The following RBFOX1 variants were observed in gnomAD, a reference collection of about 807,000 sequenced individuals.
The protein encoded by RBFOX1 is RNA binding fox-1 homolog 1.
Under a neutral mutation model 57.7 loss-of-function variants are expected in RBFOX1, and 8 were observed. The observed-to-expected ratio is 0.14, with a 90% CI of 0.08 to 0.25. RBFOX1 has a LOEUF of 0.25. RBFOX1 is among the 10% of genes least tolerant of loss of function. RBFOX1 has a pLI of 1.00. For synonymous variants in RBFOX1, 326 were observed against 222.4 expected, an observed-to-expected ratio of 1.47 and a Z score of -4.15; for missense variants, 611 against 548.5, an observed-to-expected ratio of 1.11 and a Z score of -1.14.
chr16:6,879,338 C>T (rs1211814172), intron 3 of RBFOX1, among the ~76,000 whole-genome samples: 6 of 152,192 alleles, frequency 3.9e-5, no homozygotes, highest in Non-Finnish European at 7.3e-5. Flanking sequence ...ACTTCAGACA[C>T]TCTGTCTCCT....
In RBFOX1 at chr16:6,697,310, G is replaced by A. The variant is rs149892909; in HGVS notation, c.-16+42660G>A. Among the ~76,000 whole-genome samples the A allele has an allele frequency of 2.8e-3, 422 of 152,164 alleles. 9 individuals are homozygous for A. The highest frequency in any genetic ancestry group is 0.02 in the Admixed American group (306 of 15,280). ...CACTGTAGTCATGGTACTTGACTTTGGTCACTAAGCTTGCCAGAGGAAGTC... is the reference window on the plus strand; with the variant it reads ...CACTGTAGTCATGGTACTTGACTTTAGTCACTAAGCTTGCCAGAGGAAGTC... On this transcript the variant is annotated intron_variant, in intron 3 of 15. Coordinates refer to ENST00000550418, the MANE Select transcript of RBFOX1 (RefSeq NM_018723.4).
intron 3 of RBFOX1, among the ~76,000 whole-genome samples, chr16:6,803,215 G>C (rs1452243651): frequency 6.6e-6 from 1 of 152,012 alleles, no homozygotes; most frequent in Non-Finnish European, 1.5e-5. Context: ...ATGTTCACTT[G>C]ACCCTCATTG....
intron 4 of RBFOX1, among the ~76,000 whole-genome samples, chr16:5,968,100 A>T (rs1382283120): frequency 6.6e-6 from 1 of 152,190 alleles, no homozygotes; most frequent in Non-Finnish European, 1.5e-5. Flanking sequence ...ATTGAGATAG[A>T]GTCTTGCTCT....
chr16:6,163,129 A>G (rs533108539), intron 1 of RBFOX1, among the ~76,000 whole-genome samples: 1 of 152,140 alleles, frequency 6.6e-6, no homozygotes, highest in Non-Finnish European at 1.5e-5. Context: ...CACTGAAGGA[A>G]GGGTTGTGGT....
chr16:7,001,535 C>T (rs189193300), intron 3 of RBFOX1, among the ~76,000 whole-genome samples: 2 of 152,224 alleles, frequency 1.3e-5, no homozygotes, highest in Non-Finnish European at 2.9e-5. Flanking sequence ...CAACTCGTTG[C>T]AACCTCCGCC....
upstream of RBFOX1, among the ~76,000 whole-genome samples, chr16:6,015,854 A>G (rs1011260218): frequency 2.6e-5 from 4 of 152,176 alleles, no homozygotes; most frequent in Non-Finnish European, 5.9e-5. Flanking sequence ...TCACTCATTT[A>G]TGTGTCTGCA....
chr16:7,210,858 G>T (rs1480059088), intron 4 of RBFOX1, among the ~76,000 whole-genome samples: 2 of 151,822 alleles, frequency 1.3e-5, no homozygotes, highest in Non-Finnish European at 2.9e-5. Context: ...AAATAATAAT[G>T]TATTGAATAC....
chr16:5,819,904 C>T (rs564808481), intron 3 of RBFOX1, among the ~76,000 whole-genome samples: 4 of 152,308 alleles, frequency 2.6e-5, no homozygotes, highest in East Asian at 3.9e-4. Flanking sequence ...CATCACTCAC[C>T]TCCGTTAGAG....
chr16:6,878,331 A>G (rs1157962138), intron 3 of RBFOX1, among the ~76,000 whole-genome samples: 1 of 152,174 alleles, frequency 6.6e-6, no homozygotes, highest in Non-Finnish European at 1.5e-5. Context: ...GTGCTGGAAC[A>G]TTTTATTGCT....
intron 1 of RBFOX1, among the ~76,000 whole-genome samples, chr16:6,143,836 C>T (rs1270210224): frequency 6.6e-6 from 1 of 151,914 alleles, no homozygotes; most frequent in Non-Finnish European, 1.5e-5. Flanking sequence ...TGCTCTTTTG[C>T]CTAGGCTGGA....
At chr16:7,600,975 C>G (rs2094983249) in intron 9 of RBFOX1, among the ~76,000 whole-genome samples, 1 of 152,154 alleles carries the variant, frequency 6.6e-6, no homozygotes, top group South Asian at 2.1e-4. Flanking sequence ...CTGAAGGACA[C>G]CTACCCACAC....
intron 1 of RBFOX1, among the ~76,000 whole-genome samples, chr16:5,355,813 G>C (rs1324415916): frequency 6.6e-6 from 1 of 152,186 alleles, no homozygotes; most frequent in Non-Finnish European, 1.5e-5. Context: ...GAAAGAGGCT[G>C]GGTGCAATGC....
At chr16:5,896,963 AT>A (rs1167784395) in intron 4 of RBFOX1, among the ~76,000 whole-genome samples, 1 of 121,148 alleles carries the variant, frequency 8.3e-6, no homozygotes, top group African/African-American at 3.1e-5. Context: ...TACCCCCGCT[AT>A]TTTTTTAAAA....
At chr16:6,432,723 T>C (rs1163640270) in intron 2 of RBFOX1, among the ~76,000 whole-genome samples, 3 of 152,164 alleles carry the variant, frequency 2.0e-5, no homozygotes, top group South Asian at 2.1e-4. Context: ...CTTATGTCTG[T>C]AATCCCAGCA....
intron 3 of RBFOX1, among the ~76,000 whole-genome samples, chr16:6,670,532 C>T (rs1457656390): frequency 6.6e-6 from 1 of 152,044 alleles, no homozygotes; most frequent in East Asian, 1.9e-4. Flanking sequence ...AAAACATACC[C>T]CCAAAGAAAG....
chr16:6,584,328 G>T (rs1417564748), intron 2 of RBFOX1, among the ~76,000 whole-genome samples: 1 of 142,560 alleles, frequency 7.0e-6, no homozygotes, highest in East Asian at 2.1e-4. Context: ...CAGAAAAGTT[G>T]TGTTTTATTT....
chr16:6,986,517 C>G (rs944355446), intron 3 of RBFOX1, among the ~76,000 whole-genome samples: 7 of 152,194 alleles, frequency 4.6e-5, no homozygotes, highest in African/African-American at 1.7e-4. Context: ...GTTTTGAACT[C>G]ATGGGCTCAA....
At chr16:7,086,614 C>T (rs891431511) in intron 4 of RBFOX1, among the ~76,000 whole-genome samples, 4 of 152,000 alleles carry the variant, frequency 2.6e-5, no homozygotes, top group Admixed American at 1.3e-4. Context: ...AGCTGTGCTT[C>T]CAAGCCGATG....
chr16:5,499,424 G>A (rs1296138794), intron 2 of RBFOX1, among the ~76,000 whole-genome samples: 1 of 152,096 alleles, frequency 6.6e-6, no homozygotes, highest in African/African-American at 2.4e-5. Context: ...TCAGGTTCCA[G>A]TGTAAACATC....
Sources: gnomAD v4.1 joint callset for allele counts (sites outside exome capture counted in the v4.1 genomes callset) on GRCh38, gnomAD v4.1.1 for gene constraint, MANE v1.5 for transcripts, NCBI Gene and HGNC (gene_info 2026-07-23, HGNC 2026-07-21) for gene names.